Variants in TAFA1 observed in about 807,000 individuals in gnomAD.
TAFA1 encodes the protein TAFA chemokine like family member 1.
TAFA1 carries 4 observed loss-of-function variants against 18.5 expected under a neutral mutation model. That is an observed-to-expected ratio of 0.22 (90% CI 0.11 to 0.49). The LOEUF (loss-of-function observed/expected upper bound fraction) is 0.49. TAFA1 is among the 20% of genes least tolerant of loss of function. The pLI, the probability that TAFA1 is intolerant of heterozygous loss-of-function variation, is 0.98. For missense variants in TAFA1, 147 were observed against 169.0 expected, an observed-to-expected ratio of 0.87 and a Z score of 0.72; for synonymous variants, 56 against 55.2, an observed-to-expected ratio of 1.01 and a Z score of -0.06.
At chr3:68,135,994 G>C (rs1232453447) in intron 2 of TAFA1, among the ~76,000 whole-genome samples, 2 of 152,150 alleles carry the variant, frequency 1.3e-5, no homozygotes, top group African/African-American at 4.8e-5. Context: ...AGCCAGCAGA[G>C]AAAAACAGAT....
intron 2 of TAFA1, among the ~76,000 whole-genome samples, chr3:68,120,011 C>T (rs556128050): frequency 6.6e-6 from 1 of 152,234 alleles, no homozygotes; most frequent in East Asian, 1.9e-4. Flanking sequence ...GTCCATTCTT[C>T]CTTTAAGAGA....
intron 2 of TAFA1, among the ~76,000 whole-genome samples, chr3:68,356,211 A>G (rs1329880477): frequency 2.0e-5 from 3 of 151,844 alleles, no homozygotes; most frequent in Non-Finnish European, 2.9e-5. Context: ...AATTTGATAT[A>G]CTGGGTGATA....
intron 2 of TAFA1, among the ~76,000 whole-genome samples, chr3:68,192,033 C>A (rs1217121278): frequency 1.3e-5 from 2 of 151,730 alleles, no homozygotes; most frequent in African/African-American, 4.8e-5. Flanking sequence ...GTTTCCCTTT[C>A]CTTTCTAAAG....
At chr3:68,267,518 C>T (rs1211659967) in intron 2 of TAFA1, among the ~76,000 whole-genome samples, 1 of 152,144 alleles carries the variant, frequency 6.6e-6, no homozygotes, top group Non-Finnish European at 1.5e-5. Context: ...TTATCCCACC[C>T]TATAGATGGA....
chr3:68,220,808 C>T (rs1032947093), intron 2 of TAFA1, among the ~76,000 whole-genome samples: 3 of 152,096 alleles, frequency 2.0e-5, no homozygotes, highest in African/African-American at 7.2e-5. Flanking sequence ...ACTGCTGTCT[C>T]TAAGGGTCAC....
intron 2 of TAFA1, among the ~76,000 whole-genome samples, chr3:68,052,652 T>G (rs778093433): frequency 1.4e-3 from 220 of 152,310 alleles, no homozygotes; most frequent in Non-Finnish European, 2.2e-3. Flanking sequence ...TATTTGTTAT[T>G]TCATTTGTTC....
At chr3:68,506,960 C>G (rs2072769121) in intron 3 of TAFA1, among the ~76,000 whole-genome samples, 1 of 152,028 alleles carries the variant, frequency 6.6e-6, no homozygotes, top group Non-Finnish European at 1.5e-5. Context: ...TGGCCTCACG[C>G]AAAGCCTGTG....
At position 68,240,659 on chromosome 3, in the gene TAFA1, G is replaced by C. The variant is rs141412956; in HGVS notation, c.119-176621G>C. On this transcript the variant is annotated intron_variant, in intron 2 of 4. Transcript: ENST00000478136. ...TGTCCTAGCGTCTGAACTGTTAAGT[G>C]TATATCACTCTCCTTTGGAAAGACA... 2.0e-5 allele frequency among the ~76,000 whole-genome samples: 3 copies of C among 152,278 alleles called. No homozygotes were observed. The South Asian group carries it at 6.2e-4, about 32-fold the overall frequency.
intron 2 of TAFA1, among the ~76,000 whole-genome samples, chr3:68,124,023 TGAGG>T (rs2065435181): frequency 6.6e-6 from 1 of 151,632 alleles, no homozygotes; most frequent in African/African-American, 2.4e-5. Context: ...ATGTTAGGTG[TGAGG>T]GTCTGGAGTC....
intron 3 of TAFA1, among the ~76,000 whole-genome samples, chr3:68,535,900 TG>T (rs2073272186): frequency 6.6e-6 from 1 of 152,184 alleles, no homozygotes; most frequent in Non-Finnish European, 1.5e-5. Flanking sequence ...CATTAGTGAT[TG>T]GCTATCCATT....
chr3:68,263,446 T>TACACAC (rs3033685), intron 2 of TAFA1, among the ~76,000 whole-genome samples: 9,282 of 137,706 alleles, frequency 0.067, 646 homozygotes, highest in African/African-American at 0.17. Flanking sequence ...CACACACACA[T>TACACAC]ACACACACAC....
At chr3:68,080,297 C>T (rs985610519) in intron 2 of TAFA1, among the ~76,000 whole-genome samples, 2 of 152,178 alleles carry the variant, frequency 1.3e-5, no homozygotes, top group African/African-American at 2.4e-5. Context: ...TTAATTGGAG[C>T]ATTTAGTCCA....
chr3:68,334,944 G>A (rs72626981), intron 2 of TAFA1, among the ~76,000 whole-genome samples: 18,358 of 152,120 alleles, frequency 0.12, 1,804 homozygotes, highest in East Asian at 0.27. Context: ...TAGTAGTCAC[G>A]AGAGCATACC....
intron 2 of TAFA1, among the ~76,000 whole-genome samples, chr3:68,360,913 C>A (rs1008688193): frequency 6.6e-6 from 1 of 151,846 alleles, no homozygotes; most frequent in Admixed American, 6.6e-5. Flanking sequence ...TTTTAAATCA[C>A]CAAGTTTAAT....
At chr3:68,296,588 A>G (rs956671712) in intron 2 of TAFA1, among the ~76,000 whole-genome samples, 15 of 151,100 alleles carry the variant, frequency 9.9e-5, no homozygotes, top group African/African-American at 3.4e-4. Flanking sequence ...AAAAAAAAAG[A>G]TAATATCTCC....
At chr3:68,353,739 G>A (rs578127735) in intron 2 of TAFA1, among the ~76,000 whole-genome samples, 13 of 152,062 alleles carry the variant, frequency 8.5e-5, no homozygotes, top group African/African-American at 2.6e-4. Flanking sequence ...GTCAAAGGTC[G>A]CACAGTATTT....
At chr3:67,993,716 C>A in the TAFA1 span, among the ~76,000 whole-genome samples, 4 of 152,288 alleles carry the variant, frequency 2.6e-5, no homozygotes, top group Admixed American at 6.5e-5. Flanking sequence ...ACCAGTACAT[C>A]TTCTATTTTT....
chr3:68,195,362 G>T (rs1251854047), intron 2 of TAFA1, among the ~76,000 whole-genome samples: 1 of 145,018 alleles, frequency 6.9e-6, no homozygotes, highest in Non-Finnish European at 1.5e-5. Flanking sequence ...TGGGATTATT[G>T]GCATCCTAGA....
intron 3 of TAFA1, among the ~76,000 whole-genome samples, chr3:68,538,366 G>T (rs549684562): frequency 6.6e-6 from 1 of 152,194 alleles, no homozygotes; most frequent in African/African-American, 2.4e-5. Context: ...TTTTGGGAAG[G>T]GTTATTATTA....
Sources: allele counts gnomAD v4.1 joint callset (sites outside exome capture counted in the v4.1 genomes callset), GRCh38; gene constraint gnomAD v4.1.1; transcripts MANE v1.5; gene names NCBI Gene and HGNC (gene_info 2026-07-23, HGNC 2026-07-21).